The following MAGI2 variants were observed in gnomAD, a reference collection of about 807,000 sequenced individuals.
MAGI2 encodes the protein membrane associated guanylate kinase, WW and PDZ domain containing 2.
Under a neutral mutation model 133.3 loss-of-function variants are expected in MAGI2, and 35 were observed. The ratio of observed to expected loss-of-function variants is 0.26; its 90% confidence interval spans 0.20 to 0.35. The LOEUF (loss-of-function observed/expected upper bound fraction) is 0.35. MAGI2 is among the 10% of genes least tolerant of loss of function. MAGI2 has a pLI of 1.00. For missense variants in MAGI2, 1,636 were observed against 1,863.4 expected, an observed-to-expected ratio of 0.88 and a Z score of 2.25; for synonymous variants, 729 against 710.6, an observed-to-expected ratio of 1.03 and a Z score of -0.41.
At chr7:78,286,674 C>T (rs139402916) in intron 9 of MAGI2, among the ~76,000 whole-genome samples, 187 of 152,038 alleles carry the variant, frequency 1.2e-3, no homozygotes, top group African/African-American at 4.3e-3. Flanking sequence ...GGGGAAGGTA[C>T]TGGAAAGCTA....
At chr7:79,394,169 T>A (rs142055114) in intron 1 of MAGI2, among the ~76,000 whole-genome samples, 2 of 152,238 alleles carry the variant, frequency 1.3e-5, no homozygotes, top group South Asian at 4.1e-4. Context: ...ACCCTGGTAT[T>A]AGACCTAAGA....
chr7:79,130,950 CTCAT>C (rs368955211), intron 1 of MAGI2, among the ~76,000 whole-genome samples: 6 of 151,946 alleles, frequency 3.9e-5, no homozygotes, highest in African/African-American at 1.2e-4. Flanking sequence ...CATTCACTCA[CTCAT>C]TCATTCATTC....
intron 2 of MAGI2, among the ~76,000 whole-genome samples, chr7:78,858,050 A>C (rs1793815370): frequency 6.6e-6 from 1 of 152,034 alleles, no homozygotes; most frequent in Non-Finnish European, 1.5e-5. Context: ...AGAGGTGTTT[A>C]TATTATTCTC....
At chr7:78,427,674 A>C (rs190340742) in intron 6 of MAGI2, among the ~76,000 whole-genome samples, 1,611 of 151,664 alleles carry the variant, frequency 0.011, 36 homozygotes, top group African/African-American at 0.033. Context: ...AAAAAAAAAA[A>C]CAGCCAGAAT....
chr7:79,355,232 A>G (rs1345110800), intron 1 of MAGI2, among the ~76,000 whole-genome samples: 3 of 152,214 alleles, frequency 2.0e-5, no homozygotes. Context: ...GCAGCATAAA[A>G]GAAGACATAT....
chr7:78,538,173 T>C (rs1798118906), intron 3 of MAGI2, among the ~76,000 whole-genome samples: 1 of 152,234 alleles, frequency 6.6e-6, no homozygotes, highest in African/African-American at 2.4e-5. Context: ...TCTATGCTGT[T>C]CCATTGGTCC....
intron 3 of MAGI2, among the ~76,000 whole-genome samples, chr7:78,573,219 T>TATATAA: frequency 1.3e-5 from 1 of 78,130 alleles, no homozygotes; most frequent in South Asian, 3.3e-4. Context: ...TATATATAAA[T>TATATAA]ATATATAAAT....
chr7:79,242,667 T>G (rs890622004), intron 1 of MAGI2, among the ~76,000 whole-genome samples: 2 of 152,234 alleles, frequency 1.3e-5, no homozygotes, highest in African/African-American at 4.8e-5. Flanking sequence ...TCTCCATATA[T>G]TAGTCATGGT....
chr7:78,870,878 C>T lies in MAGI2; in HGVS notation c.418+136212G>A, dbSNP rs1584229046. Reference sequence around the variant, plus strand: ...AATACTACACAGCCATAGAAAGGAACAAAATAATGGCATTCTCTGCAACCT... The same window carrying T: ...AATACTACACAGCCATAGAAAGGAATAAAATAATGGCATTCTCTGCAACCT... On this transcript the variant is annotated intron_variant, in intron 2 of 21. Transcript: ENST00000354212. Among the ~76,000 whole-genome samples, 2 of 152,088 alleles carry T rather than the reference C, an allele frequency of 1.3e-5. 1 individual carries two copies. Among genetic ancestry groups the T allele is most frequent in the South Asian group, 4.1e-4 (2 of 4,830 alleles).
At chr7:78,508,491 A>G (rs1795285922) in intron 4 of MAGI2, among the ~76,000 whole-genome samples, 1 of 152,212 alleles carries the variant, frequency 6.6e-6, no homozygotes, top group Non-Finnish European at 1.5e-5. Context: ...AAAATGACAT[A>G]TATTGGATAT....
intron 10 of MAGI2, among the ~76,000 whole-genome samples, chr7:78,237,723 G>A (rs1790700227): frequency 6.6e-6 from 1 of 152,004 alleles, no homozygotes; most frequent in Non-Finnish European, 1.5e-5. Context: ...TTGAATGGGA[G>A]AAAATAAAGA....
chr7:78,749,295 G>C (rs1464395829), intron 2 of MAGI2, among the ~76,000 whole-genome samples: 1 of 152,160 alleles, frequency 6.6e-6, no homozygotes, highest in East Asian at 1.9e-4. Flanking sequence ...CCAAGCTATA[G>C]AGGCAAGGCA....
chr7:79,104,270 T>A (rs994352291), intron 1 of MAGI2, among the ~76,000 whole-genome samples: 1 of 152,138 alleles, frequency 6.6e-6, no homozygotes, highest in Non-Finnish European at 1.5e-5. Context: ...CATTCTGGGG[T>A]CTGTGGCTAG....
Position 79,361,707 on chromosome 7 carries a change from A to AT in MAGI2, c.301+91312dup, listed in dbSNP as rs869298559. Among the ~76,000 whole-genome samples the AT allele has an allele frequency of 5.9e-5, 9 of 152,244 alleles. No homozygotes were observed. In the South Asian group the frequency reaches 6.2e-4, roughly 11 times the overall value. ...ATGGGTTATAAAACAAATGTCAATG[A>AT]TTTTTTTTAAAAAATTAAAATCATA... On this transcript the variant is annotated intron_variant, in intron 1 of 21. Transcript: ENST00000354212.
chr7:78,668,449 T>C (rs1288337523), intron 2 of MAGI2, among the ~76,000 whole-genome samples: 1 of 151,178 alleles, frequency 6.6e-6, no homozygotes, highest in African/African-American at 2.4e-5. Context: ...TTTGGTGTTT[T>C]AGACATGAAG....
intron 1 of MAGI2, among the ~76,000 whole-genome samples, chr7:79,093,059 A>C (rs1379966273): frequency 1.3e-5 from 2 of 152,092 alleles, no homozygotes; most frequent in African/African-American, 4.8e-5. Flanking sequence ...TTTTTAGTTA[A>C]ATGTTTGAGG....
At chr7:78,585,416 C>T (rs556825045) in intron 3 of MAGI2, among the ~76,000 whole-genome samples, 1 of 152,202 alleles carries the variant, frequency 6.6e-6, no homozygotes, top group South Asian at 2.1e-4. Flanking sequence ...GTGACTGTAC[C>T]CAGGAAGAAC....
At chr7:78,385,227 A>G (rs1795272348) in intron 6 of MAGI2, among the ~76,000 whole-genome samples, 6 of 152,178 alleles carry the variant, frequency 3.9e-5, no homozygotes, top group Admixed American at 3.3e-4. Context: ...ACTGATTGTC[A>G]ACGTGATTTG....
chr7:78,771,728 T>G (rs1022993092), intron 2 of MAGI2, among the ~76,000 whole-genome samples: 2 of 151,982 alleles, frequency 1.3e-5, no homozygotes. Flanking sequence ...CATTTAAACT[T>G]ATCTTGAAGT....
Sources: gnomAD v4.1 joint callset for allele counts (sites outside exome capture counted in the v4.1 genomes callset) on GRCh38, gnomAD v4.1.1 for gene constraint, MANE v1.5 for transcripts, NCBI Gene and HGNC (gene_info 2026-07-23, HGNC 2026-07-21) for gene names.